Variants in CFTR observed in about 807,000 individuals in gnomAD.
CFTR encodes the protein CF transmembrane conductance regulator, also known as cystic fibrosis transmembrane conductance regulator.
In CFTR, 181 loss-of-function variants were observed where a neutral mutation model predicts 171.6. The observed-to-expected ratio is 1.05, with a 90% CI of 0.93 to 1.19. CFTR has a LOEUF of 1.19. CFTR is among the 50% of genes most tolerant of loss of function. The pLI is 0.00. For synonymous variants in CFTR, 583 were observed against 608.0 expected (o/e 0.96, Z 0.60); for missense variants, 1,968 against 1,734.7 (o/e 1.13, Z -2.39).
chr7:117,489,449 A>G (rs1329888659), intron 1 of CFTR, among the ~76,000 whole-genome samples: 1 of 152,100 alleles, frequency 6.6e-6, no homozygotes, highest in Non-Finnish European at 1.5e-5. Flanking sequence ...AACCAATATC[A>G]CCTTAAAGCA....
chr7:117,500,723 C>A (rs759248119), intron 1 of CFTR, among the ~76,000 whole-genome samples: 3 of 152,024 alleles, frequency 2.0e-5, no homozygotes, highest in Non-Finnish European at 4.4e-5. Flanking sequence ...TACCTTAAAC[C>A]CAATTTGTAT....
chr7:117,560,950 GTGCC>G (rs1799454253), intron 11 of CFTR, among the ~76,000 whole-genome samples: 1 of 152,072 alleles, frequency 6.6e-6, no homozygotes, highest in Admixed American at 6.6e-5. Context: ...GTTGCGGAAG[GTGCC>G]TTACAGACTT....
chr7:117,499,418 T>C (rs1798286011), intron 1 of CFTR, among the ~76,000 whole-genome samples: 2 of 140,784 alleles, frequency 1.4e-5, no homozygotes, highest in African/African-American at 5.6e-5. Context: ...TGAAATTTAC[T>C]ATAGTTTCAT....
Position 117,642,444 on chromosome 7 carries a change from C to T in CFTR, c.3724C>T (p.Leu1242Phe), listed in dbSNP as rs1431039536. Residue 1242 changes from leucine (L) to phenylalanine (F), a missense_variant, in exon 23 of 27, where the codon CTC becomes TTC. Leu to Phe is a conservative substitution (Grantham distance 22). Coordinates refer to ENST00000003084, the MANE Select transcript of CFTR (RefSeq NM_000492.4). ...CATCACTTTTACCTTATAGGTGGGC[C>T]TCTTGGGAAGAACTGGATCAGGGAA... Reference protein sequence around the residue: ...FSISPGQRVGLLGRTGSGKST... With the variant: ...FSISPGQRVGFLGRTGSGKST... 1 of 1,613,496 alleles carries T rather than the reference C, an allele frequency of 6.2e-7. No individual in the cohort carries two copies. The highest frequency in any genetic ancestry group is 1.1e-5 in the South Asian group (1 of 91,072).
At chr7:117,653,788 T>TCAGCTAAATCAGCACAAA (rs1160908706) in intron 24 of CFTR, among the ~76,000 whole-genome samples, 1 of 152,162 alleles carries the variant, frequency 6.6e-6, no homozygotes, top group African/African-American at 2.4e-5. Flanking sequence ...CATCTAAATA[T>TCAGCTAAATCAGCACAAA]CAGCTAAATC....
At chr7:117,646,028 A>G (rs1347736200) in intron 23 of CFTR, among the ~76,000 whole-genome samples, 1 of 152,168 alleles carries the variant, frequency 6.6e-6, no homozygotes, top group African/African-American at 2.4e-5. Context: ...TAAATGCTTG[A>G]TTTCTGTAAC....
intron 1 of CFTR, among the ~76,000 whole-genome samples, chr7:117,490,458 T>C (rs2116617614): frequency 6.6e-6 from 1 of 151,830 alleles, no homozygotes; most frequent in Admixed American, 6.6e-5. Context: ...AATGTTCCAG[T>C]TTGAGTCTGA....
intron 1 of CFTR, among the ~76,000 whole-genome samples, chr7:117,503,844 A>C (rs1347131649): frequency 6.6e-6 from 1 of 152,210 alleles, no homozygotes; most frequent in East Asian, 1.9e-4. Flanking sequence ...ATGTTGATTA[A>C]GTGCATGTCT....
chr7:117,637,598 C>T (rs999949897), intron 22 of CFTR, among the ~76,000 whole-genome samples: 2 of 151,934 alleles, frequency 1.3e-5, no homozygotes, highest in African/African-American at 4.8e-5. Flanking sequence ...GCTCTGGGGC[C>T]AGGTGCGGTG....
intron 1 of CFTR, among the ~76,000 whole-genome samples, chr7:117,481,525 T>G (rs573959587): frequency 6.6e-6 from 1 of 152,332 alleles, no homozygotes; most frequent in South Asian, 2.1e-4. Flanking sequence ...TATATAATTT[T>G]CTTTTTACAA....
chr7:117,571,004 A>C (rs1485707710), intron 11 of CFTR, among the ~76,000 whole-genome samples: 1 of 152,206 alleles, frequency 6.6e-6, no homozygotes, highest in African/African-American at 2.4e-5. Flanking sequence ...TAAGTCAGGA[A>C]ATTTTTTTCC....
chr7:117,666,883 A>G, intron 26 of CFTR, 25 bp from the exon 27 acceptor site: 2 of 1,610,774 alleles, frequency 1.2e-6, no homozygotes, highest in Non-Finnish European at 8.5e-7. Context: ...TCTGTCCCAG[A>G]TCTCACTAAC....
At chr7:117,539,961 C>T (rs1799020066) in intron 7 of CFTR, 139 bp from the exon 8 acceptor site, 2 of 683,036 alleles carry the variant, frequency 2.9e-6, no homozygotes, top group Admixed American at 4.9e-5. Flanking sequence ...CAAGGTCACA[C>T]AGGTCATATG....
chr7:117,655,158 A>G (rs1448217280), intron 24 of CFTR, among the ~76,000 whole-genome samples: 3 of 152,118 alleles, frequency 2.0e-5, no homozygotes, highest in Non-Finnish European at 2.9e-5. Context: ...TAGGCTGAGA[A>G]TTTTCCAAAT....
rs369190404 is a variant in CFTR, at chr7:117,533,800, A to T, written c.490-476A>T. ...TGTAAAATTTAAGAATTTTGTATTA[A>T]TAAACTTTTTTACAAAAGTATTAAT... is the stretch of plus-strand genomic sequence containing the variant. On this transcript the variant is annotated intron_variant, in intron 4 of 26. Transcript: ENST00000003084. Among the ~76,000 whole-genome samples, 26 of 152,172 alleles carry T rather than the reference A, an allele frequency of 1.7e-4. No individual in the cohort carries two copies. In the South Asian group the frequency reaches 2.7e-3, roughly 16 times the overall value.
chr7:117,569,871 T>C (rs777974751), intron 11 of CFTR, among the ~76,000 whole-genome samples: 21 of 152,186 alleles, frequency 1.4e-4, no homozygotes, highest in Admixed American at 6.6e-4. Context: ...AGCATCATTC[T>C]ACAAACAGAG....
chr7:117,548,514 G>T lies in CFTR; in HGVS notation c.1210-127G>T, dbSNP rs192565759. The T allele has an allele frequency of 4.9e-5, 74 of 1,512,698 alleles. No individual in the cohort carries two copies. The East Asian group carries it at 1.8e-3, about 36-fold the overall frequency. The allele number at this position is 1,512,698 out of a possible 1,614,324, so 93.7% of individuals were successfully genotyped here. A position where few individuals can be genotyped will look rare whatever the true frequency, so the allele number is the denominator to read the frequency against. ...ACTATAAAGTAATAATGTATACAGT[G>T]TAATGGATCATGGGCCATGTGCTTT... On this transcript the variant is annotated intron_variant, in intron 9 of 26. Coordinates refer to ENST00000003084, the MANE Select transcript of CFTR (RefSeq NM_000492.4).
intron 5 of CFTR, 37 bp downstream of exon 5, chr7:117,534,402 G>A (rs745429476): frequency 2.7e-6 from 3 of 1,119,640 alleles, no homozygotes; most frequent in South Asian, 1.2e-5. Context: ...AGGCACTATT[G>A]TTATAAATTA....
chr7:117,518,450 A>G (rs1798632604), intron 3 of CFTR, among the ~76,000 whole-genome samples: 2 of 147,536 alleles, frequency 1.4e-5, no homozygotes, highest in South Asian at 4.2e-4. Flanking sequence ...TATTATTAAC[A>G]TATACATATG....
Sources: gnomAD v4.1 joint callset for allele counts (sites outside exome capture counted in the v4.1 genomes callset) on GRCh38, gnomAD v4.1.1 for gene constraint, MANE v1.5 for transcripts, NCBI Gene and HGNC (gene_info 2026-07-23, HGNC 2026-07-21) for gene names.